VEPH1: variants seen among roughly 807,000 people sequenced by gnomAD.
The protein encoded by VEPH1 is ventricular zone-expressed PH domain-containing protein homolog 1.
A neutral mutation model predicts 85.2 loss-of-function variants in VEPH1; 80 were observed. The ratio of observed to expected loss-of-function variants is 0.94; its 90% CI spans 0.78 to 1.13. The LOEUF is 1.13. VEPH1 is among the 50% of genes most tolerant of loss of function. VEPH1 has a pLI of 0.00. For missense variants in VEPH1, 955 were observed against 980.5 expected, an observed-to-expected ratio of 0.97 and a Z score of 0.35; for synonymous variants, 297 against 348.0, an observed-to-expected ratio of 0.85 and a Z score of 1.63.
intron 12 of VEPH1, among the ~76,000 whole-genome samples, chr3:157,275,053 C>T (rs1475331954): frequency 6.6e-6 from 1 of 152,160 alleles, no homozygotes; most frequent in African/African-American, 2.4e-5. Context: ...ATAACCTCCA[C>T]ATAACTACTG....
chr3:157,354,152 A>T (rs965643229), intron 9 of VEPH1, among the ~76,000 whole-genome samples: 1 of 151,928 alleles, frequency 6.6e-6, no homozygotes, highest in African/African-American at 2.4e-5. Context: ...CAGTGGGGGA[A>T]GTTGTGTGTG....
At chr3:157,362,094 G>A (rs1017095471) in intron 9 of VEPH1, among the ~76,000 whole-genome samples, 15 of 151,912 alleles carry the variant, frequency 9.9e-5, no homozygotes, top group South Asian at 4.2e-4. Context: ...GCAGTGGTGC[G>A]ATATCGGCTC....
rs148239540 is a variant in VEPH1, at chr3:157,368,512, A to G, written c.1128-4000T>C. Among the ~76,000 whole-genome samples, 1,043 of 145,658 alleles carry G rather than the reference A, an allele frequency of 7.2e-3. 17 individuals carry two copies. The highest frequency in any genetic ancestry group is 0.025 in the African/African-American group (985 of 38,750). On this transcript the variant is annotated intron_variant, in intron 7 of 13. Coordinates refer to ENST00000362010, the MANE Select transcript of VEPH1 (RefSeq NM_001167912.2). ...GTTTGTTTGTTTGTTTGTTTTTTGAAACTGAGTCACGCTCTGTCGCCCAGG... is the reference window on the plus strand; with the variant it reads ...GTTTGTTTGTTTGTTTGTTTTTTGAGACTGAGTCACGCTCTGTCGCCCAGG...
chr3:157,500,113 A>C (rs1739984454), intron 1 of VEPH1, among the ~76,000 whole-genome samples: 1 of 152,158 alleles, frequency 6.6e-6, no homozygotes, highest in Non-Finnish European at 1.5e-5. Flanking sequence ...CGTGGACCAG[A>C]AATATTGGAT....
At chr3:157,399,229 T>C (rs917451952) in intron 6 of VEPH1, among the ~76,000 whole-genome samples, 1 of 152,198 alleles carries the variant, frequency 6.6e-6, no homozygotes, top group Non-Finnish European at 1.5e-5. Flanking sequence ...TCTAGAAATG[T>C]CCAAGACCCC....
At chr3:157,292,128 G>A (rs779796925) in intron 11 of VEPH1, among the ~76,000 whole-genome samples, 4 of 152,056 alleles carry the variant, frequency 2.6e-5, no homozygotes, top group Non-Finnish European at 5.9e-5. Flanking sequence ...CAGAGTTCTC[G>A]CTATGTTGCC....
chr3:157,315,659 C>G (rs1006588107), intron 10 of VEPH1, among the ~76,000 whole-genome samples: 1 of 151,866 alleles, frequency 6.6e-6, no homozygotes, highest in East Asian at 1.9e-4. Flanking sequence ...AAGAAAGAAA[C>G]CATTACCGTA....
chr3:157,420,744 C>T (rs1467287187), intron 5 of VEPH1, among the ~76,000 whole-genome samples: 3 of 152,112 alleles, frequency 2.0e-5, no homozygotes, highest in Non-Finnish European at 4.4e-5. Context: ...ATAATTCTCT[C>T]CTCTAGGGAA....
intron 4 of VEPH1, among the ~76,000 whole-genome samples, chr3:157,447,688 A>C (rs1331231333): frequency 2.0e-5 from 3 of 147,196 alleles, no homozygotes; most frequent in African/African-American, 7.6e-5. Flanking sequence ...TCTGCCTCCC[A>C]GGTTCAAGTG....
At chr3:157,373,877 C>T (rs866931703) in intron 7 of VEPH1, among the ~76,000 whole-genome samples, 2 of 152,092 alleles carry the variant, frequency 1.3e-5, no homozygotes, top group African/African-American at 2.4e-5. Flanking sequence ...TGGGGCTGCC[C>T]GAGTCTCTAC....
intron 9 of VEPH1, among the ~76,000 whole-genome samples, chr3:157,350,683 T>C (rs773315955): frequency 3.9e-5 from 6 of 152,044 alleles, no homozygotes; most frequent in Non-Finnish European, 7.4e-5. Context: ...CAAAAAAATC[T>C]AACAATCTGA....
In VEPH1 at chr3:157,470,345, AT is replaced by A; in HGVS notation, c.322del (p.Ile108SerfsTer6). 4 of 1,614,022 alleles carry A rather than the reference AT, an allele frequency of 2.5e-6. No individual in the cohort carries two copies. Among genetic ancestry groups the A allele is most frequent in the Non-Finnish European group, 3.4e-6 (4 of 1,179,988 alleles). On this transcript the variant is annotated frameshift_variant, in exon 3 of 14. Transcript: ENST00000362010. LOFTEE classifies it high-confidence loss of function. ...AATGCAACTCATGATATCAGATGCG[AT>A]TTTTGCATGAGGAGTGTCTTCGTCT... ...GKDEDTPHAK[I>X]ASDIMSCILQ...
chr3:157,437,385 TCC>T, intron 4 of VEPH1: 1 of 1,135,932 alleles, frequency 8.8e-7, no homozygotes, highest in Non-Finnish European at 1.3e-6. Flanking sequence ...TTCGGAGGTG[TCC>T]TTAAAGGGAA....
At chr3:157,358,194 G>A (rs948466952) in intron 9 of VEPH1, among the ~76,000 whole-genome samples, 4 of 152,196 alleles carry the variant, frequency 2.6e-5, no homozygotes, top group African/African-American at 7.2e-5. Context: ...GAAACCAGTC[G>A]CTGTTATGTC....
chr3:157,391,519 A>G (rs987977850), intron 6 of VEPH1, among the ~76,000 whole-genome samples: 4 of 152,230 alleles, frequency 2.6e-5, no homozygotes, highest in South Asian at 2.1e-4. Flanking sequence ...AAAGTCAGCC[A>G]TTACCAGCGG....
chr3:157,397,494 G>A (rs1730492422), intron 6 of VEPH1, among the ~76,000 whole-genome samples: 1 of 152,134 alleles, frequency 6.6e-6, no homozygotes, highest in Non-Finnish European at 1.5e-5. Flanking sequence ...AGTGGGAATA[G>A]CATTGAATCT....
At chr3:157,361,780 C>T (rs1241207660) in intron 9 of VEPH1, among the ~76,000 whole-genome samples, 1 of 152,326 alleles carries the variant, frequency 6.6e-6, no homozygotes, top group East Asian at 1.9e-4. Context: ...ATTTCCTTTC[C>T]TAGGTCCAGG....
chr3:157,454,277 GA>G (rs1251867464), intron 4 of VEPH1, among the ~76,000 whole-genome samples: 1 of 152,166 alleles, frequency 6.6e-6, no homozygotes, highest in African/African-American at 2.4e-5. Flanking sequence ...AAGGAAATTG[GA>G]AATGAAAATA....
chr3:157,481,465 CAAAAAA>C (rs1553796737), intron 2 of VEPH1, among the ~76,000 whole-genome samples: 8 of 63,332 alleles, frequency 1.3e-4, no homozygotes, highest in Non-Finnish European at 1.8e-4. Flanking sequence ...CACACACACA[CAAAAAA>C]AAAAAAAAAA....
Sources: gnomAD v4.1 joint callset for allele counts (sites outside exome capture counted in the v4.1 genomes callset) on GRCh38, gnomAD v4.1.1 for gene constraint, MANE v1.5 for transcripts, NCBI Gene and HGNC (gene_info 2026-07-23, HGNC 2026-07-21) for gene names.